The following ZSWIM6 variants were observed in gnomAD, a reference collection of about 807,000 sequenced individuals.
The protein encoded by ZSWIM6 is zinc finger SWIM-type containing 6.
In ZSWIM6, 9 loss-of-function variants were observed where a neutral mutation model predicts 113.2. The observed-to-expected ratio is 0.08, with a 90% CI of 0.05 to 0.14. The LOEUF is 0.14. ZSWIM6 is among the 10% of genes least tolerant of loss of function. The pLI, the probability that ZSWIM6 is intolerant of heterozygous loss-of-function variation, is 1.00. For missense variants in ZSWIM6, 1,162 were observed against 1,552.2 expected (o/e 0.75, Z 4.22); for synonymous variants, 611 against 606.5 (o/e 1.01, Z -0.11).
chr5:61,440,125 A>G (rs1746794388), intron 1 of ZSWIM6, among the ~76,000 whole-genome samples: 1 of 152,114 alleles, frequency 6.6e-6, no homozygotes. Flanking sequence ...AAAGGTGAAA[A>G]AAAAAGCGCG....
chr5:61,361,902 G>C (rs1250529594), intron 1 of ZSWIM6, among the ~76,000 whole-genome samples: 3 of 152,158 alleles, frequency 2.0e-5, no homozygotes, highest in East Asian at 1.9e-4. Context: ...CTGTGGTGCA[G>C]TTTGGCACCT....
chr5:61,517,779 T>TTATG (rs1434822367), intron 4 of ZSWIM6, among the ~76,000 whole-genome samples: 54 of 149,640 alleles, frequency 3.6e-4, no homozygotes, highest in African/African-American at 1.3e-3. Context: ...AATTATTTAA[T>TTATG]TATTTATTTA....
At chr5:61,421,475 C>A (rs1007251724) in intron 1 of ZSWIM6, among the ~76,000 whole-genome samples, 10 of 151,984 alleles carry the variant, frequency 6.6e-5, no homozygotes, top group African/African-American at 2.4e-4. Context: ...TTCCATTGTG[C>A]ATATGTATCA....
At chr5:61,357,841 G>C (rs1169529211) in intron 1 of ZSWIM6, among the ~76,000 whole-genome samples, 1 of 151,848 alleles carries the variant, frequency 6.6e-6, no homozygotes, top group Non-Finnish European at 1.5e-5. Flanking sequence ...TGTAAATTTG[G>C]AAACCTTACC....
At chr5:61,333,215 C>T (rs1160107042) in intron 1 of ZSWIM6, among the ~76,000 whole-genome samples, 1 of 151,974 alleles carries the variant, frequency 6.6e-6, no homozygotes. Context: ...CCCCGGCCCG[C>T]GCTCCCCTAC....
At chr5:61,356,065 T>G (rs554053673) in intron 1 of ZSWIM6, among the ~76,000 whole-genome samples, 1 of 152,342 alleles carries the variant, frequency 6.6e-6, no homozygotes, top group South Asian at 2.1e-4. Context: ...GTAGTGATTC[T>G]TAAACCTTAG....
chr5:61,525,451 A>G (rs1749249915), intron 5 of ZSWIM6, among the ~76,000 whole-genome samples: 1 of 152,186 alleles, frequency 6.6e-6, no homozygotes, highest in Non-Finnish European at 1.5e-5. Context: ...GCACCTCAGA[A>G]GTGGGGAGCA....
chr5:61,457,774 C>T (rs564830136), intron 1 of ZSWIM6, among the ~76,000 whole-genome samples: 22 of 152,252 alleles, frequency 1.4e-4, no homozygotes, highest in Admixed American at 6.5e-4. Flanking sequence ...CCACAAGCCT[C>T]GGCCTCCTAA....
At chr5:61,462,006 G>A (rs555651796) in intron 1 of ZSWIM6, among the ~76,000 whole-genome samples, 134 of 152,268 alleles carry the variant, frequency 8.8e-4, no homozygotes, top group African/African-American at 3.1e-3. Flanking sequence ...AAATTGGGCA[G>A]AGAGGATTTT....
intron 1 of ZSWIM6, among the ~76,000 whole-genome samples, chr5:61,344,100 G>C (rs538434010): frequency 6.6e-6 from 1 of 152,064 alleles, no homozygotes; most frequent in Non-Finnish European, 1.5e-5. Flanking sequence ...TCACCATGTT[G>C]GCCAGGCTGG....
chr5:61,433,416 T>C (rs376090669), intron 1 of ZSWIM6, among the ~76,000 whole-genome samples: 22 of 151,954 alleles, frequency 1.4e-4, no homozygotes, highest in South Asian at 2.1e-4. Context: ...TTTGGATCTG[T>C]AGTATATAAT....
intron 1 of ZSWIM6, among the ~76,000 whole-genome samples, chr5:61,413,357 A>G (rs1746184335): frequency 1.3e-5 from 2 of 151,828 alleles, no homozygotes; most frequent in African/African-American, 4.8e-5. Flanking sequence ...TGAACTCATC[A>G]TTTTTTATGG....
At chr5:61,440,484 C>T (rs1350165589) in intron 1 of ZSWIM6, among the ~76,000 whole-genome samples, 1 of 151,980 alleles carries the variant, frequency 6.6e-6, no homozygotes, top group East Asian at 1.9e-4. Flanking sequence ...CTCTTACCTT[C>T]CCAGACAGGA....
intron 1 of ZSWIM6, among the ~76,000 whole-genome samples, chr5:61,349,086 T>C (rs1360491272): frequency 6.6e-6 from 1 of 152,182 alleles, no homozygotes; most frequent in East Asian, 1.9e-4. Flanking sequence ...TCTAATCAAA[T>C]TGAATCAAAA....
At chr5:61,350,921 T>TA (rs1429890986) in intron 1 of ZSWIM6, among the ~76,000 whole-genome samples, 6 of 152,240 alleles carry the variant, frequency 3.9e-5, no homozygotes, top group African/African-American at 1.4e-4. Flanking sequence ...AATAGATTGT[T>TA]ACACATCACT....
At chr5:61,393,019 C>T (rs1028331541) in intron 1 of ZSWIM6, among the ~76,000 whole-genome samples, 5 of 151,778 alleles carry the variant, frequency 3.3e-5, no homozygotes, top group Non-Finnish European at 4.4e-5. Context: ...AAATCTGTTT[C>T]TCAATACCTT....
intron 1 of ZSWIM6, among the ~76,000 whole-genome samples, chr5:61,440,360 TAAAAA>T (rs11356012): frequency 3.5e-5 from 4 of 113,058 alleles, no homozygotes; most frequent in Admixed American, 9.2e-5. Flanking sequence ...TTCATTGGTG[TAAAAA>T]AAAAAAAAAA....
At chr5:61,397,391 AG>A (rs1188681049) in intron 1 of ZSWIM6, among the ~76,000 whole-genome samples, 1 of 152,196 alleles carries the variant, frequency 6.6e-6, no homozygotes, top group Non-Finnish European at 1.5e-5. Context: ...AAGTGCCCCC[AG>A]GGGGTGGCAA....
At chr5:61,448,566 A>G (rs964324095) in intron 1 of ZSWIM6, among the ~76,000 whole-genome samples, 1 of 152,180 alleles carries the variant, frequency 6.6e-6, no homozygotes, top group Non-Finnish European at 1.5e-5. Flanking sequence ...TAAATGAGAT[A>G]ATGTATATAA....
Sources: allele counts gnomAD v4.1 joint callset (sites outside exome capture counted in the v4.1 genomes callset), GRCh38; gene constraint gnomAD v4.1.1; transcripts MANE v1.5; gene names NCBI Gene and HGNC (gene_info 2026-07-23, HGNC 2026-07-21).